DCPS: variants seen among roughly 807,000 people sequenced by gnomAD.
The protein encoded by DCPS is decapping enzyme, scavenger.
A neutral mutation model predicts 34.7 loss-of-function variants in DCPS; 27 were observed. The observed-to-expected ratio is 0.78, with a 90% CI of 0.57 to 1.07. The LOEUF is 1.07. Among genes scored for constraint, DCPS ranks in the 50% least tolerant of loss-of-function variants. DCPS has a pLI of 0.00. For synonymous variants in DCPS, 185 were observed against 185.7 expected (o/e 1.00, Z 0.03); for missense variants, 464 against 436.9 (o/e 1.06, Z -0.55).
intron 2 of DCPS, among the ~76,000 whole-genome samples, chr11:126,316,713 C>T (rs532723763): frequency 2.0e-5 from 3 of 150,384 alleles, no homozygotes; most frequent in East Asian, 3.9e-4. Context: ...AGTGCGGTGG[C>T]GTCGTGATCT....
rs1951692352 is a variant in DCPS, at chr11:126,320,009, T to TC, written c.377-11396_377-11395insC. Reference sequence around the variant, plus strand: ...CTCAGAGTATGTCCTTTCAGATTTTTTTTTTTTTTGAGATGGAATCTTGCT... The same window carrying TC: ...CTCAGAGTATGTCCTTTCAGATTTTTCTTTTTTTTTGAGATGGAATCTTGCT... On this transcript the variant is annotated intron_variant, in intron 2 of 5. Coordinates refer to ENST00000263579, the MANE Select transcript of DCPS (RefSeq NM_014026.6). The surrounding 1 kb of genome is among the most constrained non-coding windows in gnomAD (Gnocchi z 4.7). Among the ~76,000 whole-genome samples, 1 of 151,470 alleles carries TC rather than the reference T, an allele frequency of 6.6e-6. No individual in the cohort carries two copies. Among genetic ancestry groups the TC allele is most frequent in the South Asian group, 2.1e-4 (1 of 4,776 alleles).
rs1024542790 is a variant in DCPS at position 126,315,604 on chromosome 11, A to G, written c.376+8860A>G. 6.6e-6 allele frequency among the ~76,000 whole-genome samples: 1 copy of G among 152,084 alleles called. No homozygotes were observed. Among genetic ancestry groups the G allele is most frequent in the Non-Finnish European group, 1.5e-5 (1 of 68,026 alleles). ...GAAAAGAAAACCAGTAAAACCATTA[A>G]GGAGTATTTACATGATTGAGGCCAT... is the stretch of plus-strand genomic sequence containing the variant. On this transcript the variant is annotated intron_variant, in intron 2 of 5. Coordinates refer to ENST00000263579, the MANE Select transcript of DCPS (RefSeq NM_014026.6). The surrounding 1 kb of genome is among the most constrained non-coding windows in gnomAD (Gnocchi z 6.1).
rs184970182 is a variant in DCPS, at chr11:126,338,241, G to A, written c.523-45G>A. ...GCTCAGTTTGGGGTATCTCTCAAGGGGTGATGAGTGGATTTGTGAACCATC... is the reference window on the plus strand; with the variant it reads ...GCTCAGTTTGGGGTATCTCTCAAGGAGTGATGAGTGGATTTGTGAACCATC... On this transcript the variant is annotated intron_variant, in intron 3 of 5. Transcript: ENST00000263579. This position sits in a 1 kb window ranked among gnomAD's most constrained non-coding sequence, Gnocchi z 5.4. 241 of 1,580,888 alleles carry A rather than the reference G, an allele frequency of 1.5e-4. No individual in the cohort carries two copies. The East Asian group carries it at 4.9e-3, about 32-fold the overall frequency.
intron 2 of DCPS, among the ~76,000 whole-genome samples, chr11:126,311,967 G>A (rs1951620928): frequency 6.6e-6 from 1 of 152,290 alleles, no homozygotes; most frequent in Middle Eastern, 3.4e-3. Flanking sequence ...TTTTGCTCTT[G>A]TCATCCAGGC....
At chr11:126,330,678 G>T (rs1951776555) in intron 2 of DCPS, among the ~76,000 whole-genome samples, 1 of 123,166 alleles carries the variant, frequency 8.1e-6, no homozygotes, top group Non-Finnish European at 1.6e-5. Context: ...GGGACTACTG[G>T]GCTTTAAACC....
Position 126,304,070 on chromosome 11 carries a change from TC to T in DCPS, c.-9del, listed in dbSNP as rs1951541229. 6.3e-7 allele frequency: 1 copy of T among 1,583,108 alleles called. No individual in the cohort carries two copies. Among genetic ancestry groups the T allele is most frequent in the Admixed American group, 1.8e-5 (1 of 55,062 alleles). ...GCAGGGGGCGCAGGCGCACACCGCC[TC>T]CGCGGCAGCATGGCGGACGCAGCTC... On this transcript the variant is annotated 5_prime_UTR_variant, in exon 1 of 6. Transcript: ENST00000263579.
intron 1 of DCPS, among the ~76,000 whole-genome samples, chr11:126,304,686 C>T (rs938305077): frequency 6.6e-6 from 1 of 152,160 alleles, no homozygotes; most frequent in African/African-American, 2.4e-5. Context: ...CTCTGCCTTA[C>T]GCGACTTCAG....
In DCPS at chr11:126,324,516, G is replaced by A. The variant is rs1036224728; in HGVS notation, c.377-6889G>A. On this transcript the variant is annotated intron_variant, in intron 2 of 5. Transcript: ENST00000263579. ...GTCCCCTAGGCTGGAGTGCAGTGGC[G>A]AGATCTGCGCTCATCACAACCTCCG... Among the ~76,000 whole-genome samples the A allele has an allele frequency of 1.9e-4, 29 of 151,334 alleles. No individual in the cohort carries two copies. The South Asian group carries it at 2.1e-3, about 11-fold the overall frequency.
At chr11:126,340,498 T>C (rs1396239434) in intron 4 of DCPS, among the ~76,000 whole-genome samples, 1 of 152,210 alleles carries the variant, frequency 6.6e-6, no homozygotes, top group Non-Finnish European at 1.5e-5. Flanking sequence ...TAATTCTTAC[T>C]TGACTTTTGA....
In DCPS at chr11:126,334,756, G is replaced by T. The variant is rs1173593788; in HGVS notation, c.522+3206G>T. 6.6e-6 allele frequency among the ~76,000 whole-genome samples: 1 copy of T among 152,202 alleles called. No individual in the cohort carries two copies. The highest frequency in any genetic ancestry group is 1.5e-5 in the Non-Finnish European group (1 of 68,044). On this transcript the variant is annotated intron_variant, in intron 3 of 5. Coordinates refer to ENST00000263579, the MANE Select transcript of DCPS (RefSeq NM_014026.6). The surrounding 1 kb of genome is among the most constrained non-coding windows in gnomAD (Gnocchi z 5.5). ...AGAGATACTATTTGGCTCCTTAGAT[G>T]TGAGGTACTTATAACTTCCCAGTAA...
intron 2 of DCPS, among the ~76,000 whole-genome samples, chr11:126,316,690 T>C (rs1951661479): frequency 6.6e-6 from 1 of 151,838 alleles, no homozygotes; most frequent in African/African-American, 2.4e-5. Flanking sequence ...TCTCGCTCTG[T>C]CGCTCAGGCT....
rs1951976048 is a variant in DCPS, at chr11:126,349,918, CTG to C, written c.*4307_*4308del. Among the ~76,000 whole-genome samples the C allele has an allele frequency of 6.6e-6, 1 of 152,220 alleles. No homozygotes were observed. The highest frequency in any genetic ancestry group is 1.5e-5 in the Non-Finnish European group (1 of 68,042). ...ACTTGAAGTTACCAAGTTTTAACCACTGTTAGAAAATAAGCAGGAATGAAATC... is the reference window on the plus strand; with the variant it reads ...ACTTGAAGTTACCAAGTTTTAACCACTTAGAAAATAAGCAGGAATGAAATC... On this transcript the variant is annotated 3_prime_UTR_variant, in exon 6 of 6. Coordinates refer to ENST00000263579, the MANE Select transcript of DCPS (RefSeq NM_014026.6). This position sits in a 1 kb window ranked among gnomAD's most constrained non-coding sequence, Gnocchi z 5.4.
At position 126,320,020 on chromosome 11, in the gene DCPS, A is replaced by G. The variant is rs1951692554; in HGVS notation, c.377-11385A>G. On this transcript the variant is annotated intron_variant, in intron 2 of 5. Transcript: ENST00000263579. This position sits in a 1 kb window ranked among gnomAD's most constrained non-coding sequence, Gnocchi z 4.7. ...TCCTTTCAGATTTTTTTTTTTTTTG[A>G]GATGGAATCTTGCTCTGTCACCCAG... Among the ~76,000 whole-genome samples the G allele has an allele frequency of 9.5e-6, 1 of 105,416 alleles. No individual in the cohort carries two copies. The highest frequency in any genetic ancestry group is 2.0e-5 in the Non-Finnish European group (1 of 51,134). The allele number at this position is 105,416 out of a possible 152,430, so 69.2% of individuals were successfully genotyped here. A position where few individuals can be genotyped will look rare whatever the true frequency, so the allele number is the denominator to read the frequency against.
chr11:126,337,929 A>C lies in DCPS; in HGVS notation c.523-357A>C. The C allele has an allele frequency of 4.3e-6, 1 of 233,774 alleles. No individual in the cohort carries two copies. The highest frequency in any genetic ancestry group is 6.7e-5 in the South Asian group (1 of 14,846). 14.5% of individuals were successfully genotyped at this position (233,774 alleles called of 1,614,324 possible). A position where few individuals can be genotyped will look rare whatever the true frequency, so the allele number is the denominator to read the frequency against. ...GGCAGCTCTTCCCCTGAGTCCTGTG[A>C]GCGGTGGAGGGGGTCACTGCTATAG... On this transcript the variant is annotated intron_variant, in intron 3 of 5. Transcript: ENST00000263579. The surrounding 1 kb of genome is among the most constrained non-coding windows in gnomAD (Gnocchi z 5.3).
chr11:126,308,610 GAAT>G (rs1470564515), intron 2 of DCPS, among the ~76,000 whole-genome samples: 9 of 152,220 alleles, frequency 5.9e-5, no homozygotes, highest in Non-Finnish European at 1.2e-4. Context: ...GGCGGCAGAA[GAAT>G]GACAGAAGGC....
At chr11:126,339,731 C>A (rs564154721) in intron 4 of DCPS, among the ~76,000 whole-genome samples, 2 of 152,328 alleles carry the variant, frequency 1.3e-5, no homozygotes, top group East Asian at 3.9e-4. Context: ...CCTGTGCCAC[C>A]TTCAGGCCTT....
rs777207215 is a variant in DCPS at position 126,345,716 on chromosome 11, C to T, written c.*103C>T. On this transcript the variant is annotated 3_prime_UTR_variant, in exon 6 of 6. Coordinates refer to ENST00000263579, the MANE Select transcript of DCPS (RefSeq NM_014026.6). This position sits in a 1 kb window ranked among gnomAD's most constrained non-coding sequence, Gnocchi z 7.4. Reference sequence around the variant, plus strand: ...TTTCTAAAAATGTATTTTATACCGGCTTATTCCTAGTATTGAATAAACTAG... The same window carrying T: ...TTTCTAAAAATGTATTTTATACCGGTTTATTCCTAGTATTGAATAAACTAG... 21 of 1,507,188 alleles carry T rather than the reference C, an allele frequency of 1.4e-5. No individual in the cohort carries two copies. The Admixed American group carries it at 1.7e-4, about 12-fold the overall frequency. 93.4% of individuals were successfully genotyped at this position (1,507,188 alleles called of 1,614,324 possible).
Position 126,322,114 on chromosome 11 carries a change from A to G in DCPS, c.377-9291A>G, listed in dbSNP as rs1020923471. Among the ~76,000 whole-genome samples the G allele has an allele frequency of 6.6e-6, 1 of 152,184 alleles. No individual in the cohort carries two copies. The highest frequency in any genetic ancestry group is 1.5e-5 in the Non-Finnish European group (1 of 68,042). ...TTTTTAAGATTGAAAGGGCTCAGCA[A>G]TTACCTAGCACAATGGATGAAGATA... On this transcript the variant is annotated intron_variant, in intron 2 of 5. Transcript: ENST00000263579. This position sits in a 1 kb window ranked among gnomAD's most constrained non-coding sequence, Gnocchi z 4.2.
At position 126,345,467 on chromosome 11, in the gene DCPS, T is replaced by G. The variant is rs143135288; in HGVS notation, c.868T>G (p.Ser290Ala). 2,530 of 1,614,142 alleles carry G rather than the reference T, an allele frequency of 1.6e-3. 6 individuals carry two copies. The highest frequency in any genetic ancestry group is 3.1e-3 in the Middle Eastern group (19 of 6,062). Residue 290 changes from serine to alanine, a missense_variant, in exon 6 of 6, where the codon TCA becomes GCA. Coordinates refer to ENST00000263579, the MANE Select transcript of DCPS (RefSeq NM_014026.6). This position sits in a 1 kb window ranked among gnomAD's most constrained non-coding sequence, Gnocchi z 7.4. ...FTALGFEAPG[S>A]GVERAHLLAE... ...CGCCCTGGGCTTCGAGGCCCCCGGC[T>G]CAGGCGTGGAGCGGGCCCACCTGCT...
Sources: gnomAD v4.1 joint callset for allele counts (sites outside exome capture counted in the v4.1 genomes callset) on GRCh38, gnomAD v4.1.1 for gene constraint, Gnocchi (gnomAD v3.1) non-coding constraint, MANE v1.5 for transcripts, NCBI Gene and HGNC (gene_info 2026-07-23, HGNC 2026-07-21) for gene names.